The following VWDE variants were observed in gnomAD, a reference collection of about 807,000 sequenced individuals.
VWDE encodes the protein von Willebrand factor D and EGF domains.
In VWDE, 207 loss-of-function variants were observed where a neutral mutation model predicts 178.4. The ratio of observed to expected loss-of-function variants is 1.16; its 90% CI spans 1.04 to 1.30. VWDE has a LOEUF of 1.30. Ranked by LOEUF, VWDE falls within the 50% of genes most tolerant of loss-of-function variation. The pLI is 0.00. For synonymous variants in VWDE, 738 were observed against 651.4 expected (o/e 1.13, Z -2.02); for missense variants, 2,287 against 1,901.3 (o/e 1.20, Z -3.77).
chr7:12,384,944 T>A (rs1391330353), intron 3 of VWDE, among the ~76,000 whole-genome samples: 1 of 152,080 alleles, frequency 6.6e-6, no homozygotes, highest in Non-Finnish European at 1.5e-5. Context: ...TAACTTTAAT[T>A]GATATGATGC....
intron 13 of VWDE, 122 bp from the exon 14 acceptor site, chr7:12,361,643 A>C (rs922965250): frequency 1.1e-6 from 1 of 902,426 alleles, no homozygotes. Context: ...AATATATAAC[A>C]GGGAAACAAA....
chr7:12,403,845 G>T lies in VWDE; in HGVS notation c.-129C>A, dbSNP rs186986706. The T allele has an allele frequency of 2.1e-6, 2 of 975,104 alleles. No homozygotes were observed. The highest frequency in any genetic ancestry group is 4.8e-5 in the Admixed American group (2 of 41,548). The allele number at this position is 975,104 out of a possible 1,614,324, so 60.4% of individuals were successfully genotyped here. A position where few individuals can be genotyped will look rare whatever the true frequency, so the allele number is the denominator to read the frequency against. On this transcript the variant is annotated 5_prime_UTR_variant, in exon 1 of 29. Coordinates refer to ENST00000275358, the MANE Select transcript of VWDE (RefSeq NM_001135924.3). ...TCAGTCTGTTGCTGCTTGGAACAGGGAAGCTCCGCGTCCTCGTTCTGGGGT... is the reference window on the plus strand; with the variant it reads ...TCAGTCTGTTGCTGCTTGGAACAGGTAAGCTCCGCGTCCTCGTTCTGGGGT...
Position 12,344,419 on chromosome 7 carries a change from T to G in VWDE, c.3937A>C (p.Ile1313Leu). The G allele has an allele frequency of 6.4e-7, 1 of 1,551,086 alleles. No individual in the cohort carries two copies. The highest frequency in any genetic ancestry group is 2.4e-5 in the East Asian group (1 of 40,876). The change falls in exon 20 of 29, where the codon ATC (isoleucine) becomes CTC (leucine). Residue 1313 changes from isoleucine to leucine, a missense_variant. Physicochemically the swap from Ile to Leu is conservative, Grantham distance 5. Coordinates refer to ENST00000275358, the MANE Select transcript of VWDE (RefSeq NM_001135924.3). Reference sequence around the variant, plus strand: ...ATGTAACCAGGTTTACATTTGCAGATGTTTGGGGCAACACACTCCCTACTT... The same window carrying G: ...ATGTAACCAGGTTTACATTTGCAGAGGTTTGGGGCAACACACTCCCTACTT... The part of the protein sequence containing the change: ...GKSRECVAPN[I>L]CKCKPGYIGS...
At chr7:12,373,379 A>G in intron 9 of VWDE, 132 bp from the exon 10 acceptor site, 1 of 886,274 alleles carries the variant, frequency 1.1e-6, no homozygotes, top group Non-Finnish European at 1.7e-6. Flanking sequence ...GTAGTCATAA[A>G]CACCTCAATC....
rs975500493 is a variant in VWDE at position 12,401,252 on chromosome 7, C to G, written c.58+2407G>C. ...CCAAAATAAATAAATAAAAGATATC[C>G]AGATTGGAAAGGAATAAGTAATACC... On this transcript the variant is annotated intron_variant, in intron 1 of 28. Transcript: ENST00000275358. Among the ~76,000 whole-genome samples the G allele has an allele frequency of 8.5e-5, 13 of 152,106 alleles. No homozygotes were observed. In the East Asian group the frequency reaches 2.1e-3, roughly 25 times the overall value.
chr7:12,340,323 A>G lies in VWDE; in HGVS notation c.4365T>C (p.Asn1455=), dbSNP rs1396729390. The G allele has an allele frequency of 6.5e-7, 1 of 1,549,422 alleles. No homozygotes were observed. Among genetic ancestry groups the G allele is most frequent in the Admixed American group, 2.0e-5 (1 of 50,806 alleles). The part of the protein sequence containing the change: ...PNGFFGEHCQ[N]AFCHPPCKNG... ...TACATACAAAGAAAGAATAATTACC[A>G]TTCTGACAGTGTTCCCCAAAGAATC... Residue 1455 remains asparagine (N), a splice_region_variant and synonymous_variant, in exon 24 of 29, where the codon AAT becomes AAC. Transcript: ENST00000275358.
chr7:12,378,127 C>G (rs2128557726), intron 6 of VWDE, among the ~76,000 whole-genome samples: 1 of 152,300 alleles, frequency 6.6e-6, no homozygotes, highest in African/African-American at 2.4e-5. Context: ...CTGTACTGCT[C>G]TGAGTTTGAC....
At chr7:12,331,294 G>T in intron 28 of VWDE, 97 bp from the exon 29 acceptor site, 5 of 1,005,032 alleles carry the variant, frequency 5.0e-6, no homozygotes, top group Non-Finnish European at 7.3e-6. Flanking sequence ...GACATGATAC[G>T]TAAAGCTCTT....
intron 19 of VWDE, among the ~76,000 whole-genome samples, chr7:12,348,427 A>G: frequency 8.8e-6 from 1 of 113,946 alleles, no homozygotes; most frequent in Admixed American, 8.9e-5. Flanking sequence ...ACATGAACAG[A>G]CACTTCTCAA....
chr7:12,395,041 T>G (rs1023823613), intron 1 of VWDE, among the ~76,000 whole-genome samples: 2 of 152,154 alleles, frequency 1.3e-5, no homozygotes, highest in African/African-American at 4.8e-5. Flanking sequence ...GCAATTAAAC[T>G]ATACAAAGAT....
intron 1 of VWDE, among the ~76,000 whole-genome samples, chr7:12,402,200 G>A (rs1562527867): frequency 6.6e-6 from 1 of 152,194 alleles, no homozygotes; most frequent in African/African-American, 2.4e-5. Flanking sequence ...ATTTCTTTCT[G>A]ATTGATAAAT....
At chr7:12,370,556 T>C (rs891226495) in intron 11 of VWDE, 47 bp from the exon 12 acceptor site, 22 of 1,527,282 alleles carry the variant, frequency 1.4e-5, no homozygotes, top group Non-Finnish European at 1.9e-5. Context: ...TACATAAACA[T>C]TTGTTTCCTA....
intron 23 of VWDE, 114 bp downstream of exon 23, chr7:12,341,945 C>A: frequency 1.4e-6 from 1 of 706,306 alleles, no homozygotes. Context: ...CAACTTCATA[C>A]CTATCTACCT....
Position 12,331,204 on chromosome 7 carries a change from T to C in VWDE, c.4759-7A>G, listed in dbSNP as rs1033837661. The C allele has an allele frequency of 2.6e-6, 4 of 1,540,592 alleles. No individual in the cohort carries two copies. Among genetic ancestry groups the C allele is most frequent in the South Asian group, 2.4e-5 (2 of 83,256 alleles). ...CTACTCAATGGCGTCTTATCTGTAG[T>C]AGGAAGAAGGAAATTGTGTTTCAAT... is the stretch of plus-strand genomic sequence containing the variant. On this transcript the variant is annotated splice_region_variant and splice_polypyrimidine_tract_variant and intron_variant, in intron 28 of 28. Coordinates refer to ENST00000275358, the MANE Select transcript of VWDE (RefSeq NM_001135924.3).
chr7:12,403,643 G>C lies in VWDE; in HGVS notation c.58+16C>G. On this transcript the variant is annotated intron_variant, in intron 1 of 28. Coordinates refer to ENST00000275358, the MANE Select transcript of VWDE (RefSeq NM_001135924.3). The stretch of plus-strand genomic sequence containing the variant: ...CGCCACTGCGCGCCCACCCCCGCGC[G>C]CCCTACCTCGCTTACCTTCCCCCCA... 1 of 1,536,848 alleles carries C rather than the reference G, an allele frequency of 6.5e-7. No homozygotes were observed. The highest frequency in any genetic ancestry group is 1.2e-5 in the South Asian group (1 of 83,596).
intron 6 of VWDE, among the ~76,000 whole-genome samples, chr7:12,378,767 T>A (rs145671224): frequency 2.4e-4 from 37 of 152,330 alleles, no homozygotes; most frequent in African/African-American, 8.2e-4. Context: ...GTTCCTACTG[T>A]GTGTACATGG....
intron 16 of VWDE, 64 bp from the exon 17 acceptor site, chr7:12,357,579 G>C (rs1782328923): frequency 6.6e-7 from 1 of 1,506,668 alleles, no homozygotes; most frequent in Admixed American, 2.1e-5. Context: ...GTACTTCTGA[G>C]AGCTCCCACA....
Position 12,374,741 on chromosome 7 carries a change from T to G in VWDE, c.1264A>C (p.Thr422Pro), listed in dbSNP as rs1783417673. The G allele has an allele frequency of 4.5e-6, 7 of 1,539,542 alleles. No individual in the cohort carries two copies. The highest frequency in any genetic ancestry group is 6.1e-6 in the Non-Finnish European group (7 of 1,142,108). The change falls in exon 9 of 29, where the codon ACT becomes CCT. Residue 422 changes from threonine to proline, a missense_variant. Coordinates refer to ENST00000275358, the MANE Select transcript of VWDE (RefSeq NM_001135924.3). ...TCAGTAAATGTATAGCAGTAAGCAG[T>G]TGGGACATCCTTTACTTTGATCTTA... ...SIQIKVKDVP[T>P]AYCYTFTDPH...
At chr7:12,387,821 C>T (rs7781993) in intron 3 of VWDE, among the ~76,000 whole-genome samples, 20,079 of 151,978 alleles carry the variant, frequency 0.13, 1,480 homozygotes, top group South Asian at 0.18. Flanking sequence ...GAGTGTCTCC[C>T]GGAACTTTCA....
Sources: gnomAD v4.1 joint callset for allele counts (sites outside exome capture counted in the v4.1 genomes callset) on GRCh38, gnomAD v4.1.1 for gene constraint, MANE v1.5 for transcripts, NCBI Gene and HGNC (gene_info 2026-07-23, HGNC 2026-07-21) for gene names.